The following CCNY variants were observed in gnomAD, a reference collection of about 807,000 sequenced individuals.
The protein encoded by CCNY is cyclin-Y.
CCNY carries 19 observed loss-of-function variants against 42.8 expected under a neutral mutation model. The ratio of observed to expected loss-of-function variants is 0.44; its 90% CI spans 0.31 to 0.65. CCNY has a LOEUF of 0.65. Among genes scored for constraint, CCNY ranks in the 30% least tolerant of loss-of-function variants. The pLI, the probability that CCNY is intolerant of heterozygous loss-of-function variation, is 0.07. For synonymous variants in CCNY, 165 were observed against 162.7 expected (o/e 1.01, Z -0.11); for missense variants, 370 against 437.3 (o/e 0.85, Z 1.37).
chr10:35,453,606 A>G (rs1838965862), intron 1 of CCNY, among the ~76,000 whole-genome samples: 1 of 152,252 alleles, frequency 6.6e-6, no homozygotes, highest in East Asian at 1.9e-4. Context: ...AGTTAGCAAA[A>G]GCTGCTTATT....
At chr10:35,406,724 T>C (rs1837782464) in intron 1 of CCNY, among the ~76,000 whole-genome samples, 1 of 152,210 alleles carries the variant, frequency 6.6e-6, no homozygotes, top group African/African-American at 2.4e-5. Context: ...CATCATGGCC[T>C]GTTCTCAATG....
intron 3 of CCNY, among the ~76,000 whole-genome samples, chr10:35,324,543 G>A (rs1464383299): frequency 6.6e-6 from 1 of 152,200 alleles, no homozygotes; most frequent in East Asian, 1.9e-4. Context: ...TCAAGGAGCT[G>A]AAGATCTCAT....
chr10:35,274,946 C>T (rs911899388), intron 3 of CCNY, among the ~76,000 whole-genome samples: 8 of 151,964 alleles, frequency 5.3e-5, no homozygotes, highest in African/African-American at 1.9e-4. Flanking sequence ...TCTGCAGGGG[C>T]CAGACTGGTG....
chr10:35,322,179 C>A (rs937412115), intron 3 of CCNY, among the ~76,000 whole-genome samples: 2 of 151,986 alleles, frequency 1.3e-5, no homozygotes, highest in Non-Finnish European at 2.9e-5. Flanking sequence ...CATGGTGAAA[C>A]CCTGTCTCTA....
chr10:35,478,705 A>T (rs994963247), intron 1 of CCNY, among the ~76,000 whole-genome samples: 28 of 152,290 alleles, frequency 1.8e-4, no homozygotes, highest in African/African-American at 3.6e-4. Context: ...AACCTAGGCA[A>T]TACCATTCAG....
chr10:35,419,945 G>C (rs1020456926), intron 1 of CCNY, among the ~76,000 whole-genome samples: 1 of 124,736 alleles, frequency 8.0e-6, no homozygotes, highest in Non-Finnish European at 1.7e-5. Flanking sequence ...TTTTTTTTTA[G>C]TACAGTTCAA....
At chr10:35,370,670 A>G (rs1836913106) in intron 1 of CCNY, among the ~76,000 whole-genome samples, 1 of 151,752 alleles carries the variant, frequency 6.6e-6, no homozygotes, top group Non-Finnish European at 1.5e-5. Flanking sequence ...CCCTATTACA[A>G]CACTTTTCTT....
intron 4 of CCNY, among the ~76,000 whole-genome samples, chr10:35,519,535 C>T (rs1472311626): frequency 6.6e-6 from 1 of 152,120 alleles, no homozygotes; most frequent in Non-Finnish European, 1.5e-5. Context: ...TTGAAGACCC[C>T]AGATGGAAGT....
intron 1 of CCNY, among the ~76,000 whole-genome samples, chr10:35,357,086 G>A (rs1836570356): frequency 6.9e-6 from 1 of 144,650 alleles, no homozygotes; most frequent in South Asian, 2.2e-4. Context: ...CTCATCACCT[G>A]GCTGGCTTTT....
At chr10:35,507,792 GTTT>G (rs59237920) in intron 3 of CCNY, among the ~76,000 whole-genome samples, 1 of 143,444 alleles carries the variant, frequency 7.0e-6, no homozygotes, top group Non-Finnish European at 1.5e-5. Context: ...TACAGGGCCA[GTTT>G]TTTTTTTTTT....
At chr10:35,355,555 G>A (rs755519311) in intron 1 of CCNY, among the ~76,000 whole-genome samples, 2 of 151,724 alleles carry the variant, frequency 1.3e-5, no homozygotes, top group Non-Finnish European at 2.9e-5. Flanking sequence ...GCGCATGCCT[G>A]TAGTCCCAGC....
At chr10:35,329,794 A>C (rs1486765182) in intron 3 of CCNY, among the ~76,000 whole-genome samples, 2 of 152,188 alleles carry the variant, frequency 1.3e-5, no homozygotes. Flanking sequence ...AAGCCTGGCG[A>C]GCAGGCCAAC....
At chr10:35,470,622 A>G (rs973944022) in intron 1 of CCNY, among the ~76,000 whole-genome samples, 5 of 152,240 alleles carry the variant, frequency 3.3e-5, no homozygotes, top group African/African-American at 1.2e-4. Context: ...CAGTGGGAGT[A>G]GAAAAGATGG....
intron 3 of CCNY, among the ~76,000 whole-genome samples, chr10:35,298,910 T>G (rs1427912119): frequency 2.0e-5 from 3 of 152,200 alleles, no homozygotes; most frequent in Non-Finnish European, 2.9e-5. Context: ...TTTTTGAAAA[T>G]TATAAAGATG....
chr10:35,347,981 G>A (rs1007121435), intron 1 of CCNY, among the ~76,000 whole-genome samples: 3 of 152,108 alleles, frequency 2.0e-5, no homozygotes, highest in African/African-American at 7.2e-5. Context: ...AATTTCAGAC[G>A]CACATATTTA....
At chr10:35,355,701 A>AT (rs1170342219) in intron 1 of CCNY, among the ~76,000 whole-genome samples, 6 of 150,692 alleles carry the variant, frequency 4.0e-5, no homozygotes, top group Non-Finnish European at 7.4e-5. Flanking sequence ...AAAAAAAAAA[A>AT]AAAAAGAGGA....
intron 1 of CCNY, among the ~76,000 whole-genome samples, chr10:35,385,123 A>G (rs1837276152): frequency 6.6e-6 from 1 of 152,222 alleles, no homozygotes. Flanking sequence ...GGTACATAAC[A>G]GCTATCGATG....
intron 8 of CCNY, among the ~76,000 whole-genome samples, chr10:35,564,837 G>A (rs1432256432): frequency 1.3e-5 from 2 of 152,258 alleles, no homozygotes; most frequent in Non-Finnish European, 2.9e-5. Flanking sequence ...AGCCTTCTGA[G>A]ATCATGTGCT....
chr10:35,264,188 T>A (rs2095722587), intron 3 of CCNY, among the ~76,000 whole-genome samples: 1 of 152,208 alleles, frequency 6.6e-6, no homozygotes, highest in Non-Finnish European at 1.5e-5. Context: ...TTCCTTTGGG[T>A]ATATACCCAG....
Sources: allele counts gnomAD v4.1 joint callset (sites outside exome capture counted in the v4.1 genomes callset), GRCh38; gene constraint gnomAD v4.1.1; transcripts MANE v1.5; gene names NCBI Gene and HGNC (gene_info 2026-07-23, HGNC 2026-07-21).